NDUFAF6: variants seen among roughly 807,000 people sequenced by gnomAD.
NDUFAF6 encodes the protein NADH:ubiquinone oxidoreductase complex assembly factor 6, also known as NADH dehydrogenase (ubiquinone) complex I, assembly factor 6.
NDUFAF6 carries 45 observed loss-of-function variants against 40.8 expected under a neutral mutation model. The observed-to-expected ratio is 1.10, with a 90% confidence interval of 0.87 to 1.42. NDUFAF6 has a LOEUF of 1.42. Ranked by LOEUF, NDUFAF6 falls within the 40% of genes most tolerant of loss-of-function variation. The probability of loss-of-function intolerance (pLI) is 0.00; values close to 1 mark genes in which losing one functional copy is unlikely to be tolerated. For synonymous variants in NDUFAF6, 185 were observed against 155.9 expected (o/e 1.19, Z -1.39); for missense variants, 435 against 418.5 (o/e 1.04, Z -0.34).
chr8:95,024,342 T>C (rs188486151), upstream of NDUFAF6, among the ~76,000 whole-genome samples: 1 of 152,264 alleles, frequency 6.6e-6, no homozygotes, highest in East Asian at 1.9e-4. Context: ...GCACTGCCCG[T>C]ATGGAACCCA....
At chr8:95,027,466 G>A (rs1007201700) in intron 1 of NDUFAF6, among the ~76,000 whole-genome samples, 1 of 151,728 alleles carries the variant, frequency 6.6e-6, no homozygotes, top group Admixed American at 6.6e-5. Flanking sequence ...TGTAGTCCCA[G>A]CTACTCTGGA....
chr8:94,936,679 C>G (rs76509925), intron 1 of NDUFAF6, among the ~76,000 whole-genome samples: 3,123 of 152,148 alleles, frequency 0.021, 36 homozygotes, highest in African/African-American at 0.032. Context: ...ATAGGGAGCA[C>G]AACCCTACGG....
chr8:94,925,360 A>G (rs1819797617), intron 1 of NDUFAF6, among the ~76,000 whole-genome samples: 1 of 152,168 alleles, frequency 6.6e-6, no homozygotes, highest in Non-Finnish European at 1.5e-5. Context: ...ACACTTCTAT[A>G]AGATTCCATC....
At chr8:95,092,670 C>T (rs1314043336) in intron 2 of NDUFAF6, among the ~76,000 whole-genome samples, 2 of 151,224 alleles carry the variant, frequency 1.3e-5, no homozygotes, top group African/African-American at 2.4e-5. Context: ...CTGCAACCTC[C>T]GCCTCCCAGG....
At chr8:94,931,777 G>A (rs1820426180) in intron 1 of NDUFAF6, among the ~76,000 whole-genome samples, 1 of 152,144 alleles carries the variant, frequency 6.6e-6, no homozygotes, top group African/African-American at 2.4e-5. Context: ...TTCAAGACCA[G>A]CCTGGCCAAC....
At chr8:94,902,312 C>T (rs945312296) in intron 1 of NDUFAF6, among the ~76,000 whole-genome samples, 5 of 151,260 alleles carry the variant, frequency 3.3e-5, no homozygotes, top group South Asian at 2.1e-4. Flanking sequence ...CCAGTCACTC[C>T]GGAAGCTAAG....
intron 2 of NDUFAF6, among the ~76,000 whole-genome samples, chr8:95,086,256 A>G (rs563900161): frequency 4.1e-4 from 62 of 152,356 alleles, no homozygotes; most frequent in African/African-American, 1.4e-3. Flanking sequence ...TCGGGCTGTG[A>G]GGATAGCGAC....
Position 94,904,212 on chromosome 8 carries a change from C to T in NDUFAF6, c.-936+8285C>T, listed in dbSNP as rs543369513. 4.7e-5 allele frequency among the ~76,000 whole-genome samples: 7 copies of T among 150,462 alleles called. No homozygotes were observed. In the East Asian group the frequency reaches 5.9e-4, roughly 13 times the overall value. On this transcript the variant is annotated intron_variant, in intron 1 of 14. Transcript: ENST00000396113. ...AGGCTGGAGTGCAGTGGCGCGATCTCGGCTCACTGCAACCTCTGCCTTGTG... is the reference window on the plus strand; with the variant it reads ...AGGCTGGAGTGCAGTGGCGCGATCTTGGCTCACTGCAACCTCTGCCTTGTG...
chr8:95,066,354 A>G (rs1832705334), intron 9 of NDUFAF6, among the ~76,000 whole-genome samples: 1 of 139,846 alleles, frequency 7.2e-6, no homozygotes. Flanking sequence ...GGCTCAGGTA[A>G]TCTCCCTGTC....
At chr8:94,930,869 G>A in intron 1 of NDUFAF6, 4 of 1,021,716 alleles carry the variant, frequency 3.9e-6, no homozygotes, top group African/African-American at 1.6e-5. Flanking sequence ...TGACAGACAA[G>A]TTTATTATTC....
At chr8:94,997,025 A>G (rs1321061598) in intron 2 of NDUFAF6, among the ~76,000 whole-genome samples, 1 of 151,962 alleles carries the variant, frequency 6.6e-6, no homozygotes, top group Non-Finnish European at 1.5e-5. Flanking sequence ...ACAAAGGGTT[A>G]TGTCACCTGC....
chr8:94,980,142 G>C (rs1210882812), intron 1 of NDUFAF6, among the ~76,000 whole-genome samples: 1 of 150,562 alleles, frequency 6.6e-6, no homozygotes, highest in African/African-American at 2.4e-5. Flanking sequence ...AAGAAATAGT[G>C]GTTATGCTTA....
chr8:94,944,529 A>G (rs1821824462), intron 1 of NDUFAF6, among the ~76,000 whole-genome samples: 1 of 152,166 alleles, frequency 6.6e-6, no homozygotes, highest in South Asian at 2.1e-4. Context: ...TGGTTTCCCA[A>G]AGTCAGAGGC....
intron 1 of NDUFAF6, chr8:94,927,242 T>TAC (rs1244742847): frequency 1.3e-5 from 2 of 152,654 alleles, no homozygotes; most frequent in Non-Finnish European, 2.9e-5. Context: ...TTGCTCGTTT[T>TAC]TCTTAAGAGT....
chr8:94,904,295 C>G (rs1475544586), intron 1 of NDUFAF6, among the ~76,000 whole-genome samples: 2 of 143,718 alleles, frequency 1.4e-5, no homozygotes, highest in East Asian at 4.0e-4. Flanking sequence ...AGGCACCCAC[C>G]ATCACACCTG....
chr8:95,113,825 G>T (rs944455204), intron 4 of NDUFAF6, among the ~76,000 whole-genome samples: 1 of 152,108 alleles, frequency 6.6e-6, no homozygotes, highest in African/African-American at 2.4e-5. Context: ...CAGCCTAGGG[G>T]ACAGAGAGAG....
intron 2 of NDUFAF6, among the ~76,000 whole-genome samples, chr8:94,981,460 TACTTGA>T (rs1219681748): frequency 1.3e-5 from 2 of 152,204 alleles, no homozygotes; most frequent in Non-Finnish European, 2.9e-5. Context: ...AACCTTAATG[TACTTGA>T]ACTTGAAGTT....
At chr8:95,070,652 A>G (rs767547047) in intron 9 of NDUFAF6, among the ~76,000 whole-genome samples, 8 of 152,248 alleles carry the variant, frequency 5.3e-5, no homozygotes, top group Non-Finnish European at 8.8e-5. Flanking sequence ...ATAAAAATCC[A>G]TGAATTCAGA....
At chr8:95,038,677 A>G (rs1313349605) in intron 3 of NDUFAF6, among the ~76,000 whole-genome samples, 1 of 150,592 alleles carries the variant, frequency 6.6e-6, no homozygotes, top group Non-Finnish European at 1.5e-5. Flanking sequence ...CTCAGTAAAT[A>G]TTTTCTTTTT....
Sources: gnomAD v4.1 joint callset for allele counts (sites outside exome capture counted in the v4.1 genomes callset) on GRCh38, gnomAD v4.1.1 for gene constraint, MANE v1.5 for transcripts, NCBI Gene and HGNC (gene_info 2026-07-23, HGNC 2026-07-21) for gene names.